Variants in FTCDNL1 observed in about 807,000 individuals in gnomAD.
FTCDNL1 encodes formiminotransferase N-terminal subdomain-containing protein.
Under a neutral mutation model 5.9 loss-of-function variants are expected in FTCDNL1, and 11 were observed. The observed-to-expected ratio is 1.87, with a 90% confidence interval of 1.18 to 3.10. FTCDNL1 has a LOEUF of 3.10. FTCDNL1 is among the 30% of genes most tolerant of loss of function. The pLI is 0.00. For synonymous variants in FTCDNL1, 58 were observed against 24.8 expected, an observed-to-expected ratio of 2.34 and a Z score of -3.99; for missense variants, 115 against 65.5, an observed-to-expected ratio of 1.76 and a Z score of -2.61.
intron 3 of FTCDNL1, among the ~76,000 whole-genome samples, chr2:199,821,515 A>G (rs1701690533): frequency 1.3e-5 from 2 of 151,654 alleles, no homozygotes; most frequent in African/African-American, 4.8e-5. Flanking sequence ...CCCAGGCTGC[A>G]GTGCAGTGGC....
the FTCDNL1 span, among the ~76,000 whole-genome samples, chr2:199,746,869 C>T: frequency 6.6e-6 from 1 of 152,094 alleles, no homozygotes; most frequent in Non-Finnish European, 1.5e-5. Context: ...TTCTGCCAAA[C>T]GATGATCCTT....
the FTCDNL1 span, among the ~76,000 whole-genome samples, chr2:199,669,760 A>T: frequency 6.6e-6 from 1 of 152,312 alleles, no homozygotes; most frequent in African/African-American, 2.4e-5. Flanking sequence ...AGAATTAGGA[A>T]ATCCAGGAAT....
chr2:199,669,934 C>T, the FTCDNL1 span, among the ~76,000 whole-genome samples: 1 of 151,998 alleles, frequency 6.6e-6, no homozygotes, highest in Non-Finnish European at 1.5e-5. Flanking sequence ...AAACCAATAC[C>T]AAAATAGCTC....
the FTCDNL1 span, among the ~76,000 whole-genome samples, chr2:199,743,401 G>A: frequency 6.6e-6 from 1 of 152,232 alleles, no homozygotes; most frequent in African/African-American, 2.4e-5. Flanking sequence ...TTCTTTTCTT[G>A]AATGTTAGCC....
intron 3 of FTCDNL1, among the ~76,000 whole-genome samples, chr2:199,780,838 T>C (rs1025784090): frequency 3.9e-5 from 6 of 152,200 alleles, no homozygotes; most frequent in African/African-American, 1.4e-4. Context: ...CCTTTCCTGG[T>C]GTGACCAGGA....
chr2:199,847,432 AT>A (rs2076761858), intron 2 of FTCDNL1, among the ~76,000 whole-genome samples: 1 of 152,170 alleles, frequency 6.6e-6, no homozygotes, highest in Non-Finnish European at 1.5e-5. Context: ...ATATGATGTA[AT>A]TTTTTTCATC....
intron 3 of FTCDNL1, among the ~76,000 whole-genome samples, chr2:199,798,781 A>AACT (rs1468468879): frequency 2.0e-5 from 3 of 152,222 alleles, no homozygotes; most frequent in East Asian, 3.8e-4. Flanking sequence ...CTTACACGTC[A>AACT]ACTACTGACT....
chr2:199,710,575 G>A, the FTCDNL1 span, among the ~76,000 whole-genome samples: 1 of 152,076 alleles, frequency 6.6e-6, no homozygotes, highest in African/African-American at 2.4e-5. Flanking sequence ...AGATTCAACT[G>A]TATAATATTT....
intron 3 of FTCDNL1, among the ~76,000 whole-genome samples, chr2:199,839,126 C>T (rs1036586415): frequency 6.6e-6 from 1 of 151,676 alleles, no homozygotes; most frequent in Non-Finnish European, 1.5e-5. Context: ...AATAAGCAGC[C>T]AACACGGCAT....
At chr2:199,773,571 A>C (rs1423766614) in intron 3 of FTCDNL1, among the ~76,000 whole-genome samples, 1 of 152,178 alleles carries the variant, frequency 6.6e-6, no homozygotes, top group Non-Finnish European at 1.5e-5. Flanking sequence ...CCTCTCCCTC[A>C]GTCAGTGGCA....
At chr2:199,696,239 T>C in the FTCDNL1 span, among the ~76,000 whole-genome samples, 1 of 152,152 alleles carries the variant, frequency 6.6e-6, no homozygotes, top group African/African-American at 2.4e-5. Context: ...CAAGCACGCA[T>C]ACATGGACCC....
At chr2:199,700,402 CACAA>C in the FTCDNL1 span, among the ~76,000 whole-genome samples, 21 of 152,180 alleles carry the variant, frequency 1.4e-4, 1 homozygote, top group South Asian at 2.5e-3. Flanking sequence ...TCAGAGACAA[CACAA>C]ACAAACAAAC....
downstream of FTCDNL1, among the ~76,000 whole-genome samples, chr2:199,755,919 T>C (rs1358760724): frequency 2.6e-5 from 4 of 152,220 alleles, no homozygotes; most frequent in Non-Finnish European, 4.4e-5. Flanking sequence ...AGTAATAATA[T>C]ACAGAATAAG....
At chr2:199,781,853 C>CACT (rs1333868547) in intron 3 of FTCDNL1, among the ~76,000 whole-genome samples, 5 of 152,132 alleles carry the variant, frequency 3.3e-5, no homozygotes, top group Non-Finnish European at 7.3e-5. Context: ...CATCTCGGCT[C>CACT]ACTGCAAGCT....
In FTCDNL1 at chr2:199,767,993, A is replaced by G. The variant is rs75983085; in HGVS notation, c.212-7158T>C. Among the ~76,000 whole-genome samples the G allele has an allele frequency of 2.9e-3, 448 of 152,364 alleles. 1 individual carries two copies. The highest frequency in any genetic ancestry group is 0.01 in the African/African-American group (419 of 41,598). On this transcript the variant is annotated intron_variant, in intron 3 of 3. Coordinates refer to the FTCDNL1 transcript ENST00000416668. ...GTAAGAAATTTCTCAATTAACTGAC[A>G]TTATTGAGTTCTGTATAACCTGAAA...
chr2:199,816,991 A>T (rs574766267), intron 4 of FTCDNL1, among the ~76,000 whole-genome samples: 1 of 152,338 alleles, frequency 6.6e-6, no homozygotes, highest in South Asian at 2.1e-4. Context: ...GGTACTTAAT[A>T]TCTGTTTCAT....
At chr2:199,812,759 C>T (rs1228705576) in intron 4 of FTCDNL1, 35 bp from the exon 5 acceptor site, 10 of 696,034 alleles carry the variant, frequency 1.4e-5, no homozygotes, top group Middle Eastern at 2.3e-4. Context: ...GGTATGATTT[C>T]GTTTTCCATG....
intron 3 of FTCDNL1, among the ~76,000 whole-genome samples, chr2:199,836,870 T>C (rs376342326): frequency 2.6e-5 from 4 of 152,160 alleles, no homozygotes; most frequent in Admixed American, 6.5e-5. Context: ...GGCCTCAGAA[T>C]TGTCCATCTC....
At chr2:199,702,718 G>A in the FTCDNL1 span, among the ~76,000 whole-genome samples, 23 of 152,248 alleles carry the variant, frequency 1.5e-4, no homozygotes, top group African/African-American at 5.1e-4. Flanking sequence ...ATAAAAACAT[G>A]TATAATATAG....
Sources: gnomAD v4.1 joint callset for allele counts (sites outside exome capture counted in the v4.1 genomes callset) on GRCh38, gnomAD v4.1.1 for gene constraint, MANE v1.5 for transcripts, NCBI Gene and HGNC (gene_info 2026-07-23, HGNC 2026-07-21) for gene names.